Variants in MYH15 observed in about 807,000 individuals in gnomAD.
MYH15 encodes myosin heavy chain 15.
MYH15 carries 227 observed loss-of-function variants against 240.5 expected under a neutral mutation model. The observed-to-expected ratio is 0.94, with a 90% CI of 0.85 to 1.05. MYH15 has a LOEUF of 1.05. Ranked by LOEUF, MYH15 falls within the 50% of genes least tolerant of loss-of-function variation. The probability of loss-of-function intolerance (pLI) is 0.00; values close to 1 mark genes in which losing one functional copy is unlikely to be tolerated. For missense variants in MYH15, 2,217 were observed against 2,247.5 expected (o/e 0.99, Z 0.27); for synonymous variants, 785 against 796.7 (o/e 0.99, Z 0.25).
intron 22 of MYH15, among the ~76,000 whole-genome samples, chr3:108,442,183 A>G (rs957225480): frequency 1.3e-5 from 2 of 152,076 alleles, no homozygotes; most frequent in Non-Finnish European, 2.9e-5. Flanking sequence ...CAACATATTA[A>G]TGATCCATTT....
rs2082615413 is a variant in MYH15 at position 108,414,132 on chromosome 3, TTTG to T, written c.4145+97_4145+99del. The T allele has an allele frequency of 5.5e-6, 7 of 1,281,032 alleles. No individual in the cohort carries two copies. In the South Asian group the frequency reaches 9.9e-5, roughly 18 times the overall value. 79.4% of individuals were successfully genotyped at this position (1,281,032 alleles called of 1,614,324 possible). On this transcript the variant is annotated intron_variant, in intron 30 of 40. Transcript: ENST00000693548. ...GGCTTGTTCCTGCACTCGGCAAGGA[TTTG>T]TTAAGTGCATACCATGAGGCCTTGG...
chr3:108,504,231 G>A (rs1214421315), intron 2 of MYH15, among the ~76,000 whole-genome samples: 3 of 152,164 alleles, frequency 2.0e-5, no homozygotes, highest in Admixed American at 6.5e-5. Context: ...CCAAGGCTAA[G>A]TGACCCTGAT....
chr3:108,470,468 T>TC (rs2083163019), intron 13 of MYH15, among the ~76,000 whole-genome samples: 1 of 152,152 alleles, frequency 6.6e-6, no homozygotes. Context: ...TTCCTTTACC[T>TC]CCATTTACCT....
chr3:108,454,178 TG>T, intron 20 of MYH15, 36 bp from the exon 21 acceptor site: 3 of 1,581,372 alleles, frequency 1.9e-6, no homozygotes, highest in Non-Finnish European at 2.6e-6. Context: ...CCACTGATAA[TG>T]GGTATTCAGC....
chr3:108,544,682 A>G, the MYH15 span, among the ~76,000 whole-genome samples: 1 of 152,074 alleles, frequency 6.6e-6, no homozygotes, highest in Admixed American at 6.5e-5. Context: ...TTTATTATTG[A>G]GTTCTCTCTC....
chr3:108,469,875 T>C (rs2083156282), intron 14 of MYH15, among the ~76,000 whole-genome samples, 167 bp downstream of exon 14: 1 of 152,234 alleles, frequency 6.6e-6, no homozygotes, highest in African/African-American at 2.4e-5. Context: ...GAGTTTCGTT[T>C]GGATGCCACA....
rs1468179643 is a variant in MYH15 at position 108,510,588 on chromosome 3, C to T, written c.-58G>A. On this transcript the variant is annotated 5_prime_UTR_variant, in exon 1 of 41. Coordinates refer to ENST00000693548, the MANE Select transcript of MYH15 (RefSeq NM_014981.3). Reference sequence around the variant, plus strand: ...TAAACGTGAGTAGGCAAGATTCAACCTGAAAAAAAAAAATTGATACAGAGA... The same window carrying T: ...TAAACGTGAGTAGGCAAGATTCAACTTGAAAAAAAAAAATTGATACAGAGA... 2 of 1,554,242 alleles carry T rather than the reference C, an allele frequency of 1.3e-6. No homozygotes were observed. The highest frequency in any genetic ancestry group is 1.7e-6 in the Non-Finnish European group (2 of 1,154,264).
chr3:108,476,937 A>G (rs1313123505), intron 11 of MYH15, among the ~76,000 whole-genome samples: 1 of 152,146 alleles, frequency 6.6e-6, no homozygotes, highest in African/African-American at 2.4e-5. Flanking sequence ...TTAATCATAG[A>G]GTTACTATGG....
intron 12 of MYH15, among the ~76,000 whole-genome samples, chr3:108,471,053 G>GGA: frequency 1.8e-5 from 2 of 109,196 alleles, no homozygotes. Flanking sequence ...AAAGGAGAAA[G>GGA]AGGAAGGAAG....
intron 37 of MYH15, 31 bp downstream of exon 37, chr3:108,391,729 G>A (rs1181133009): frequency 6.2e-7 from 1 of 1,602,188 alleles, no homozygotes; most frequent in East Asian, 2.2e-5. Context: ...ATTGGGGACT[G>A]TCAAGCCCTC....
chr3:108,389,247 T>C (rs1217064269), intron 37 of MYH15, among the ~76,000 whole-genome samples, 173 bp from the exon 38 acceptor site: 2 of 152,206 alleles, frequency 1.3e-5, no homozygotes, highest in East Asian at 1.9e-4. Context: ...AAAAGTAAGA[T>C]CTTTTATGGA....
intron 23 of MYH15, among the ~76,000 whole-genome samples, 153 bp downstream of exon 23, chr3:108,440,863 ACT>A (rs1034508511): frequency 6.6e-6 from 1 of 152,012 alleles, no homozygotes; most frequent in Non-Finnish European, 1.5e-5. Context: ...AGTTTATCAG[ACT>A]CTATATTTTG....
At chr3:108,464,285 T>C (rs901643462) in intron 15 of MYH15, among the ~76,000 whole-genome samples, 1 of 152,126 alleles carries the variant, frequency 6.6e-6, no homozygotes, top group African/African-American at 2.4e-5. Context: ...AAAAAAATCT[T>C]CAACAAAAAG....
At chr3:108,547,534 T>TAA in the MYH15 span, among the ~76,000 whole-genome samples, 39 of 151,166 alleles carry the variant, frequency 2.6e-4, no homozygotes, top group Admixed American at 1.9e-3. Context: ...TTCTTGTAGT[T>TAA]AAAAAAAAAT....
chr3:108,538,070 T>A, the MYH15 span, among the ~76,000 whole-genome samples: 30 of 152,330 alleles, frequency 2.0e-4, no homozygotes, highest in Non-Finnish European at 3.7e-4. Flanking sequence ...GGTTTTCCAC[T>A]GATTTTTATC....
chr3:108,433,105 A>C (rs2082794428), intron 25 of MYH15, among the ~76,000 whole-genome samples: 1 of 152,226 alleles, frequency 6.6e-6, no homozygotes, highest in Admixed American at 6.5e-5. Flanking sequence ...TTTACCCTGC[A>C]AAGCCGCAGG....
intron 5 of MYH15, among the ~76,000 whole-genome samples, chr3:108,499,031 G>T (rs1320291510): frequency 6.6e-6 from 1 of 152,068 alleles, no homozygotes; most frequent in Non-Finnish European, 1.5e-5. Context: ...AGTTTCCACT[G>T]CTTCATGTAC....
At chr3:108,432,272 T>C (rs2082785091) in intron 25 of MYH15, among the ~76,000 whole-genome samples, 1 of 152,136 alleles carries the variant, frequency 6.6e-6, no homozygotes, top group South Asian at 2.1e-4. Context: ...TTGCCCAGGC[T>C]GGTCTCTAAG....
At chr3:108,507,044 AAAG>A (rs2083482474) in intron 1 of MYH15, among the ~76,000 whole-genome samples, 1 of 152,004 alleles carries the variant, frequency 6.6e-6, no homozygotes, top group Admixed American at 6.5e-5. Context: ...AATAAAAAAT[AAAG>A]AAATAAAAAT....
Sources: gnomAD v4.1 joint callset for allele counts (sites outside exome capture counted in the v4.1 genomes callset) on GRCh38, gnomAD v4.1.1 for gene constraint, MANE v1.5 for transcripts, NCBI Gene and HGNC (gene_info 2026-07-23, HGNC 2026-07-21) for gene names.